SNX14: variants seen among roughly 807,000 people sequenced by gnomAD.
The protein encoded by SNX14 is sorting nexin 14.
SNX14 carries 93 observed loss-of-function variants against 133.8 expected under a neutral mutation model. The ratio of observed to expected loss-of-function variants is 0.70; its 90% CI spans 0.59 to 0.83. The LOEUF is 0.83. SNX14 is among the 40% of genes least tolerant of loss of function. The probability of loss-of-function intolerance (pLI) is 0.00; values close to 1 mark genes in which losing one functional copy is unlikely to be tolerated. For missense variants in SNX14, 945 were observed against 1,094.9 expected, an observed-to-expected ratio of 0.86 and a Z score of 1.93; for synonymous variants, 368 against 365.6, an observed-to-expected ratio of 1.01 and a Z score of -0.07.
chr6:85,516,786 C>T (rs1450949523), intron 23 of SNX14, among the ~76,000 whole-genome samples: 1 of 151,970 alleles, frequency 6.6e-6, no homozygotes, highest in African/African-American at 2.4e-5. Context: ...TACAGGCACC[C>T]ACCACCACGC....
At chr6:85,556,495 G>A (rs1789851124) in intron 7 of SNX14, among the ~76,000 whole-genome samples, 2 of 146,970 alleles carry the variant, frequency 1.4e-5, no homozygotes, top group African/African-American at 5.0e-5. Flanking sequence ...TTTTGAGATG[G>A]AGTCTTGCTC....
chr6:85,562,582 CT>C (rs201175458), intron 6 of SNX14, among the ~76,000 whole-genome samples: 28 of 94,850 alleles, frequency 3.0e-4, no homozygotes, highest in Middle Eastern at 8.6e-3. Context: ...ACTTTTTGGG[CT>C]TTTTTTTTTT....
intron 1 of SNX14, among the ~76,000 whole-genome samples, chr6:85,590,044 G>C (rs748150278): frequency 2.2e-4 from 34 of 152,200 alleles, no homozygotes; most frequent in Non-Finnish European, 3.8e-4. Flanking sequence ...GTGGCCAGGG[G>C]CATAGTCCAG....
intron 6 of SNX14, among the ~76,000 whole-genome samples, chr6:85,563,244 T>A (rs1792382537): frequency 6.6e-6 from 1 of 152,066 alleles, no homozygotes. Context: ...GGCAGAGATA[T>A]TATATATTAA....
intron 1 of SNX14, chr6:85,589,667 T>A (rs1428772178): frequency 6.6e-6 from 1 of 152,280 alleles, no homozygotes; most frequent in Non-Finnish European, 1.5e-5. Context: ...GAAAGACCTT[T>A]TTTGTCATAT....
At chr6:85,515,272 A>AC (rs1774505043) in intron 23 of SNX14, among the ~76,000 whole-genome samples, 4 of 149,562 alleles carry the variant, frequency 2.7e-5, no homozygotes, top group African/African-American at 9.9e-5. Flanking sequence ...CAAAAAAAAA[A>AC]AAAAAAAAAA....
chr6:85,545,725 C>A (rs1785249969), intron 12 of SNX14, among the ~76,000 whole-genome samples: 1 of 152,122 alleles, frequency 6.6e-6, no homozygotes, highest in Non-Finnish European at 1.5e-5. Context: ...ACTCTGTCAC[C>A]CAGGCTGGAG....
At chr6:85,576,515 A>G (rs1797391273) in intron 1 of SNX14, among the ~76,000 whole-genome samples, 1 of 148,180 alleles carries the variant, frequency 6.7e-6, no homozygotes, top group East Asian at 1.9e-4. Context: ...AATTGCACGA[A>G]CTGACAGAGT....
chr6:85,584,053 A>G (rs555028120), intron 1 of SNX14, among the ~76,000 whole-genome samples: 1 of 152,362 alleles, frequency 6.6e-6, no homozygotes. Flanking sequence ...AAACAGATAT[A>G]TAGACCAATG....
intron 7 of SNX14, among the ~76,000 whole-genome samples, chr6:85,553,370 G>A (rs1353694283): frequency 6.6e-6 from 1 of 152,090 alleles, no homozygotes; most frequent in African/African-American, 2.4e-5. Context: ...AATTTCTATC[G>A]TGAGCATAAA....
intron 1 of SNX14, among the ~76,000 whole-genome samples, chr6:85,588,040 A>T (rs1801535517): frequency 1.3e-5 from 2 of 152,208 alleles, no homozygotes; most frequent in African/African-American, 4.8e-5. Flanking sequence ...CTGTAATCCC[A>T]GCACTTTAGG....
chr6:85,524,785 G>GAAA (rs397885760), intron 21 of SNX14, among the ~76,000 whole-genome samples: 1 of 88,248 alleles, frequency 1.1e-5, no homozygotes, highest in African/African-American at 3.8e-5. Flanking sequence ...TTCCATCACA[G>GAAA]AAAAAAAAAA....
intron 26 of SNX14, among the ~76,000 whole-genome samples, chr6:85,512,037 C>T (rs1386891314): frequency 6.6e-6 from 1 of 152,126 alleles, no homozygotes; most frequent in East Asian, 1.9e-4. Flanking sequence ...TCTCAGGCCC[C>T]CCTGACCCCC....
At chr6:85,551,311 A>T (rs573974591) in intron 7 of SNX14, among the ~76,000 whole-genome samples, 5 of 152,302 alleles carry the variant, frequency 3.3e-5, no homozygotes, top group African/African-American at 1.2e-4. Flanking sequence ...ACAATCAAGC[A>T]AAACCAGTTC....
intron 21 of SNX14, among the ~76,000 whole-genome samples, chr6:85,521,240 CT>C (rs1041022098): frequency 2.6e-5 from 4 of 151,700 alleles, no homozygotes; most frequent in African/African-American, 9.7e-5. Flanking sequence ...AGTGTTTTTT[CT>C]TTTGTTTTTA....
intron 4 of SNX14, chr6:85,568,174 C>A (rs550231917): frequency 1.3e-5 from 2 of 152,152 alleles, no homozygotes; most frequent in East Asian, 3.9e-4. Context: ...CATAATCAAA[C>A]AAAAAGTTAA....
At chr6:85,538,641 T>C (rs1782670696) in intron 16 of SNX14, among the ~76,000 whole-genome samples, 197 bp downstream of exon 16, 1 of 152,206 alleles carries the variant, frequency 6.6e-6, no homozygotes, top group South Asian at 2.1e-4. Flanking sequence ...TATGATGGCA[T>C]ATCATGCTAT....
In SNX14 at chr6:85,533,650, C is replaced by CT. The variant is rs752429340; in HGVS notation, c.1758dup (p.Glu587ArgfsTer9). The CT allele has an allele frequency of 6.2e-7, 1 of 1,613,712 alleles. No individual in the cohort carries two copies. The highest frequency in any genetic ancestry group is 1.1e-5 in the South Asian group (1 of 91,086). ...TCAATACAAAACACAGGAATTCTTTCTTTTTTCTCCTTCCTTTCAGAGGAG... is the reference window on the plus strand; with the variant it reads ...TCAATACAAAACACAGGAATTCTTTCTTTTTTTCTCCTTCCTTTCAGAGGAG... On this transcript the variant is annotated frameshift_variant, in exon 18 of 29. Transcript: ENST00000314673. LOFTEE classifies it high-confidence loss of function.
At chr6:85,576,486 A>C (rs1180880282) in intron 1 of SNX14, among the ~76,000 whole-genome samples, 1 of 151,906 alleles carries the variant, frequency 6.6e-6, no homozygotes, top group Non-Finnish European at 1.5e-5. Flanking sequence ...AGTGAGTAAC[A>C]GGCATTTGAA....
Sources: allele counts gnomAD v4.1 joint callset (sites outside exome capture counted in the v4.1 genomes callset), GRCh38; gene constraint gnomAD v4.1.1; transcripts MANE v1.5; gene names NCBI Gene and HGNC (gene_info 2026-07-23, HGNC 2026-07-21).